Variants in RFTN2 observed in about 807,000 individuals in gnomAD.
RFTN2 encodes raftlin-2.
RFTN2 carries 34 observed loss-of-function variants against 52.7 expected under a neutral mutation model. The observed-to-expected ratio is 0.64, with a 90% CI of 0.49 to 0.86. The LOEUF (loss-of-function observed/expected upper bound fraction) is 0.86, where lower values mean the gene tolerates loss of function less well. Among genes scored for constraint, RFTN2 ranks in the 40% least tolerant of loss-of-function variants. The pLI, the probability that RFTN2 is intolerant of heterozygous loss-of-function variation, is 0.00. For synonymous variants in RFTN2, 203 were observed against 217.7 expected (o/e 0.93, Z 0.59); for missense variants, 536 against 600.1 (o/e 0.89, Z 1.12).
intron 8 of RFTN2, among the ~76,000 whole-genome samples, chr2:197,587,355 G>A (rs995939157): frequency 6.6e-6 from 1 of 152,096 alleles, no homozygotes; most frequent in Non-Finnish European, 1.5e-5. Context: ...TAAGAAGAAA[G>A]GAATGTCAGG....
intron 1 of RFTN2, among the ~76,000 whole-genome samples, chr2:197,647,304 C>T (rs957208282): frequency 3.9e-5 from 6 of 152,140 alleles, no homozygotes. Context: ...CTCTCTGTAG[C>T]CCCCACCTCC....
chr2:197,596,753 CTAATT>C (rs779891445), intron 7 of RFTN2, among the ~76,000 whole-genome samples: 1 of 152,152 alleles, frequency 6.6e-6, no homozygotes, highest in Non-Finnish European at 1.5e-5. Context: ...ACAGAAGAGA[CTAATT>C]TAGGCTGCCA....
intron 7 of RFTN2, among the ~76,000 whole-genome samples, chr2:197,607,220 T>C (rs2087976449): frequency 6.6e-6 from 1 of 151,994 alleles, no homozygotes; most frequent in African/African-American, 2.4e-5. Flanking sequence ...CTTAGCAAAC[T>C]ATTGCAAGGA....
At chr2:197,669,185 ATGAAGGACCAAAT>A (rs2089107508) in intron 1 of RFTN2, among the ~76,000 whole-genome samples, 1 of 152,248 alleles carries the variant, frequency 6.6e-6, no homozygotes, top group Non-Finnish European at 1.5e-5. Context: ...AGGCAGATAT[ATGAAGGACCAAAT>A]TATGACCAAA....
At chr2:197,597,188 A>G (rs2087805095) in intron 7 of RFTN2, among the ~76,000 whole-genome samples, 1 of 152,204 alleles carries the variant, frequency 6.6e-6, no homozygotes, top group Non-Finnish European at 1.5e-5. Flanking sequence ...ATCTTCCTCA[A>G]AGTGATAACA....
intron 1 of RFTN2, among the ~76,000 whole-genome samples, chr2:197,655,571 A>G (rs2088883271): frequency 6.6e-6 from 1 of 152,208 alleles, no homozygotes. Context: ...CACGCCTGTA[A>G]TCCCAGCACT....
intron 7 of RFTN2, among the ~76,000 whole-genome samples, chr2:197,615,014 C>T (rs892220158): frequency 3.9e-5 from 6 of 152,176 alleles, no homozygotes; most frequent in African/African-American, 1.4e-4. Context: ...TAATTCCTTT[C>T]CCTACCCGAA....
chr2:197,596,639 C>CTCT (rs1394101979), intron 7 of RFTN2, among the ~76,000 whole-genome samples: 1 of 152,020 alleles, frequency 6.6e-6, no homozygotes, highest in Non-Finnish European at 1.5e-5. Flanking sequence ...TATCATATTC[C>CTCT]TCTTATGAAT....
chr2:197,590,758 ACGTGGCG>A (rs931499699), intron 8 of RFTN2, among the ~76,000 whole-genome samples: 5 of 151,846 alleles, frequency 3.3e-5, no homozygotes, highest in Admixed American at 3.3e-4. Context: ...ACAGCTCTTA[ACGTGGCG>A]CGTCTGGAGT....
At chr2:197,588,148 C>T (rs1050927025) in intron 8 of RFTN2, 2 of 391,892 alleles carry the variant, frequency 5.1e-6, no homozygotes, top group African/African-American at 4.3e-5. Flanking sequence ...AAAAGCAAAA[C>T]CCACCTATAA....
At chr2:197,617,766 T>G in intron 6 of RFTN2, 34 bp downstream of exon 6, 1 of 1,055,030 alleles carries the variant, frequency 9.5e-7, no homozygotes, top group Non-Finnish European at 1.3e-6. Context: ...TATTTATATA[T>G]GTAAAGCTAA....
chr2:197,581,778 C>G, intron 8 of RFTN2, among the ~76,000 whole-genome samples: 1 of 152,230 alleles, frequency 6.6e-6, no homozygotes, highest in Non-Finnish European at 1.5e-5. Flanking sequence ...CCAACCCCTT[C>G]TACAAAACAA....
chr2:197,644,287 A>C lies in RFTN2; in HGVS notation c.324-15T>G. On this transcript the variant is annotated splice_polypyrimidine_tract_variant and intron_variant, in intron 2 of 8. Coordinates refer to ENST00000295049, the MANE Select transcript of RFTN2 (RefSeq NM_144629.3). Reference sequence around the variant, plus strand: ...AATTCTTTGGGCTGTAACAGAGGGAATATGTTTATGGTTGGAGGCCAATTG... The same window carrying C: ...AATTCTTTGGGCTGTAACAGAGGGACTATGTTTATGGTTGGAGGCCAATTG... 1 of 1,453,644 alleles carries C rather than the reference A, an allele frequency of 6.9e-7. No homozygotes were observed. Among genetic ancestry groups the C allele is most frequent in the Non-Finnish European group, 9.7e-7 (1 of 1,034,274 alleles). The allele number at this position is 1,453,644 out of a possible 1,614,324, so 90.0% of individuals were successfully genotyped here.
chr2:197,614,731 C>T (rs909987240), intron 7 of RFTN2, among the ~76,000 whole-genome samples: 18 of 152,144 alleles, frequency 1.2e-4, no homozygotes, highest in Non-Finnish European at 1.5e-5. Flanking sequence ...CAAGCCACAC[C>T]CCTGTCACAC....
At chr2:197,643,469 TCA>T (rs1574737150) in intron 3 of RFTN2, among the ~76,000 whole-genome samples, 1 of 152,220 alleles carries the variant, frequency 6.6e-6, no homozygotes, top group African/African-American at 2.4e-5. Flanking sequence ...GTATTAGTTC[TCA>T]GTTTTTATTT....
chr2:197,575,840 T>C (rs1388987864), intron 8 of RFTN2, among the ~76,000 whole-genome samples: 1 of 90,118 alleles, frequency 1.1e-5, no homozygotes, highest in African/African-American at 4.0e-5. Context: ...TAATATATTA[T>C]ATATATTTTA....
At chr2:197,610,144 T>A in intron 7 of RFTN2, among the ~76,000 whole-genome samples, 1 of 152,234 alleles carries the variant, frequency 6.6e-6, no homozygotes, top group Non-Finnish European at 1.5e-5. Context: ...TTTTTCCAAT[T>A]CTGTGAAGAA....
chr2:197,623,949 C>T (rs543892395), intron 5 of RFTN2, among the ~76,000 whole-genome samples: 1 of 152,172 alleles, frequency 6.6e-6, no homozygotes, highest in East Asian at 1.9e-4. Flanking sequence ...CAGGTCTGAG[C>T]CACCACGGCT....
At chr2:197,646,897 CAAAAAAAA>C (rs35611096) in intron 1 of RFTN2, among the ~76,000 whole-genome samples, 1 of 88,270 alleles carries the variant, frequency 1.1e-5, no homozygotes, top group Non-Finnish European at 2.0e-5. Context: ...ATTGTCTCTA[CAAAAAAAA>C]AAAAAAAAAA....
Sources: gnomAD v4.1 joint callset for allele counts (sites outside exome capture counted in the v4.1 genomes callset) on GRCh38, gnomAD v4.1.1 for gene constraint, MANE v1.5 for transcripts, NCBI Gene and HGNC (gene_info 2026-07-23, HGNC 2026-07-21) for gene names.